Variants in ZBTB20 observed in about 807,000 individuals in gnomAD.
ZBTB20 encodes zinc finger and BTB domain-containing protein 20.
In ZBTB20, 9 loss-of-function variants were observed where a neutral mutation model predicts 56.9. That is an observed-to-expected ratio of 0.16 (90% CI 0.10 to 0.28). The LOEUF (loss-of-function observed/expected upper bound fraction) is 0.28, where lower values mean the gene tolerates loss of function less well. ZBTB20 is among the 10% of genes least tolerant of loss of function. ZBTB20 has a pLI of 1.00. For synonymous variants in ZBTB20, 417 were observed against 420.7 expected, an observed-to-expected ratio of 0.99 and a Z score of 0.11; for missense variants, 655 against 1,003.0, an observed-to-expected ratio of 0.65 and a Z score of 4.69.
At chr3:114,481,059 AC>A in intron 7 of ZBTB20, among the ~76,000 whole-genome samples, 1 of 152,104 alleles carries the variant, frequency 6.6e-6, no homozygotes, top group Admixed American at 6.6e-5. Flanking sequence ...GAAAGTTCTG[AC>A]AGATTGGAGT....
chr3:114,519,425 T>C (rs2046387810), intron 6 of ZBTB20, among the ~76,000 whole-genome samples: 1 of 152,154 alleles, frequency 6.6e-6, no homozygotes, highest in Non-Finnish European at 1.5e-5. Flanking sequence ...ATAAATAAGA[T>C]CAACTTCAAG....
chr3:114,556,682 A>T (rs1010485634), intron 6 of ZBTB20, among the ~76,000 whole-genome samples: 17 of 152,094 alleles, frequency 1.1e-4, no homozygotes, highest in Admixed American at 2.0e-4. Flanking sequence ...TTCCCCTCGC[A>T]GATGAGTTAT....
At chr3:115,024,313 C>CCTAGGT (rs1560502202) in intron 2 of ZBTB20, among the ~76,000 whole-genome samples, 27 of 151,008 alleles carry the variant, frequency 1.8e-4, no homozygotes, top group African/African-American at 5.8e-4. Flanking sequence ...TTCTTTGACA[C>CCTAGGT]GGAAGAGCTT....
chr3:114,981,246 G>T (rs2078314619), intron 2 of ZBTB20, among the ~76,000 whole-genome samples: 2 of 151,944 alleles, frequency 1.3e-5, no homozygotes, highest in Non-Finnish European at 2.9e-5. Context: ...TAACCCCCAG[G>T]ACAAAAGGAG....
At chr3:114,386,929 A>G (rs1055920755) in intron 8 of ZBTB20, among the ~76,000 whole-genome samples, 1 of 152,184 alleles carries the variant, frequency 6.6e-6, no homozygotes, top group African/African-American at 2.4e-5. Flanking sequence ...GCAAGAAAAG[A>G]GAATGCTGCT....
intron 4 of ZBTB20, among the ~76,000 whole-genome samples, chr3:114,816,971 AT>A (rs2072959774): frequency 6.6e-6 from 1 of 152,198 alleles, no homozygotes; most frequent in African/African-American, 2.4e-5. Flanking sequence ...AATAAAAAAA[AT>A]TGCAGAAGTA....
intron 2 of ZBTB20, among the ~76,000 whole-genome samples, chr3:115,042,143 G>A (rs1158103842): frequency 1.3e-5 from 2 of 151,768 alleles, no homozygotes; most frequent in Non-Finnish European, 2.9e-5. Context: ...GAAAGCAAAA[G>A]TCACCAACAG....
At chr3:115,146,903 G>C (rs965861357) in intron 1 of ZBTB20, among the ~76,000 whole-genome samples, 2 of 151,132 alleles carry the variant, frequency 1.3e-5, no homozygotes, top group Non-Finnish European at 3.0e-5. Flanking sequence ...GCCACCCTTC[G>C]ACCCTCCCGC....
At chr3:114,524,951 C>T (rs1044970715) in intron 6 of ZBTB20, among the ~76,000 whole-genome samples, 1 of 152,076 alleles carries the variant, frequency 6.6e-6, no homozygotes, top group Non-Finnish European at 1.5e-5. Context: ...TGACCTCAAA[C>T]AATCCACCTG....
At chr3:114,826,268 A>G (rs2073521714) in intron 4 of ZBTB20, among the ~76,000 whole-genome samples, 1 of 151,750 alleles carries the variant, frequency 6.6e-6, no homozygotes, top group Non-Finnish European at 1.5e-5. Flanking sequence ...TCATTTTTAT[A>G]CATTCATTTT....
intron 7 of ZBTB20, among the ~76,000 whole-genome samples, chr3:114,438,242 C>G (rs777229065): frequency 6.6e-6 from 1 of 151,932 alleles, no homozygotes; most frequent in East Asian, 1.9e-4. Flanking sequence ...TTAGCATACA[C>G]GGATGTGTTT....
chr3:114,774,976 T>C (rs2069480658), intron 5 of ZBTB20, among the ~76,000 whole-genome samples: 1 of 152,210 alleles, frequency 6.6e-6, no homozygotes, highest in South Asian at 2.1e-4. Flanking sequence ...GAGCAGGTCC[T>C]TGCTATCAAC....
intron 1 of ZBTB20, among the ~76,000 whole-genome samples, chr3:115,086,784 T>C (rs2658055): frequency 0.6 from 90,715 of 151,558 alleles, 29,992 homozygotes; most frequent in Non-Finnish European, 0.76. Context: ...ATGTCTGATG[T>C]GATGGCATCA....
chr3:114,403,924 A>T (rs2087047297), intron 7 of ZBTB20, among the ~76,000 whole-genome samples: 1 of 152,086 alleles, frequency 6.6e-6, no homozygotes, highest in Non-Finnish European at 1.5e-5. Context: ...CATTTTTCTC[A>T]TATATAATGT....
chr3:114,444,162 G>A (rs545776511), intron 7 of ZBTB20, among the ~76,000 whole-genome samples: 8 of 152,276 alleles, frequency 5.3e-5, no homozygotes, highest in African/African-American at 1.4e-4. Context: ...TGATAAGATA[G>A]TAAAATATAC....
intron 4 of ZBTB20, among the ~76,000 whole-genome samples, chr3:114,838,555 GA>G (rs745481797): frequency 2.6e-5 from 4 of 152,072 alleles, no homozygotes; most frequent in East Asian, 1.9e-4. Flanking sequence ...ACTGGGGGGG[GA>G]AAGTCTCTGA....
chr3:114,577,145 G>C (rs1239419098), intron 6 of ZBTB20, among the ~76,000 whole-genome samples: 4 of 151,826 alleles, frequency 2.6e-5, no homozygotes, highest in Non-Finnish European at 4.4e-5. Flanking sequence ...AACGTAGAAA[G>C]GATTGGGAAA....
chr3:114,725,450 G>C (rs918109280), intron 5 of ZBTB20, among the ~76,000 whole-genome samples: 12 of 152,214 alleles, frequency 7.9e-5, no homozygotes, highest in African/African-American at 2.9e-4. Flanking sequence ...AACAAAAGCA[G>C]CTATTTCCTC....
chr3:114,570,422 A>T (rs868248527), intron 6 of ZBTB20, among the ~76,000 whole-genome samples: 2 of 150,888 alleles, frequency 1.3e-5, no homozygotes, highest in South Asian at 2.1e-4. Context: ...ACAATATGAT[A>T]TATTATAATA....
Sources: gnomAD v4.1 joint callset for allele counts (sites outside exome capture counted in the v4.1 genomes callset) on GRCh38, gnomAD v4.1.1 for gene constraint, MANE v1.5 for transcripts, NCBI Gene and HGNC (gene_info 2026-07-23, HGNC 2026-07-21) for gene names.